The following TLN2 variants were observed in gnomAD, a reference collection of about 807,000 sequenced individuals.
The protein encoded by TLN2 is talin 2.
In TLN2, 118 loss-of-function variants were observed where a neutral mutation model predicts 294.7. That is an observed-to-expected ratio of 0.40 (90% CI 0.34 to 0.47). The LOEUF (loss-of-function observed/expected upper bound fraction) is 0.47, where lower values mean the gene tolerates loss of function less well. TLN2 is among the 20% of genes least tolerant of loss of function. TLN2 has a pLI of 0.84. For missense variants in TLN2, 3,083 were observed against 3,282.2 expected (o/e 0.94, Z 1.48); for synonymous variants, 1,431 against 1,304.5 (o/e 1.10, Z -2.09).
chr15:62,577,716 T>G (rs1417120337), intron 1 of TLN2, among the ~76,000 whole-genome samples: 1 of 152,178 alleles, frequency 6.6e-6, no homozygotes, highest in East Asian at 1.9e-4. Flanking sequence ...TAATATACTT[T>G]AAGCTCTAGG....
intron 39 of TLN2, 102 bp downstream of exon 39, chr15:62,762,555 T>A: frequency 7.7e-7 from 1 of 1,293,368 alleles, no homozygotes; most frequent in Non-Finnish European, 1.1e-6. Flanking sequence ...TTGTTGATCA[T>A]TATCATCTTT....
At chr15:62,599,904 A>G (rs2046844443) in intron 2 of TLN2, among the ~76,000 whole-genome samples, 2 of 152,176 alleles carry the variant, frequency 1.3e-5, no homozygotes, top group Non-Finnish European at 2.9e-5. Context: ...CTAGGAAGGA[A>G]ATAAAAATTG....
chr15:62,481,211 G>T (rs1321128314), intron 1 of TLN2, among the ~76,000 whole-genome samples: 3 of 139,660 alleles, frequency 2.1e-5, no homozygotes, highest in Non-Finnish European at 3.2e-5. Context: ...GTTGCAAGTT[G>T]TTCTTTTTTC....
At position 62,399,330 on chromosome 15, in the gene TLN2, G is replaced by A. The variant is rs189465524; in HGVS notation, c.-238+8645G>A. Reference sequence around the variant, plus strand: ...CCAGGGAGAAGTTTGCTGCAGGAGCGGAGCCCTCATGGAGAACCTCTGCTA... The same window carrying A: ...CCAGGGAGAAGTTTGCTGCAGGAGCAGAGCCCTCATGGAGAACCTCTGCTA... On this transcript the variant is annotated intron_variant, in intron 1 of 58. Coordinates refer to ENST00000636159, the MANE Select transcript of TLN2 (RefSeq NM_015059.3). 6.0e-5 allele frequency among the ~76,000 whole-genome samples: 9 copies of A among 149,552 alleles called. No individual in the cohort carries two copies. The South Asian group carries it at 1.3e-3, about 21-fold the overall frequency.
chr15:62,608,406 G>C (rs1021606348), intron 2 of TLN2, among the ~76,000 whole-genome samples: 1 of 152,190 alleles, frequency 6.6e-6, no homozygotes, highest in East Asian at 1.9e-4. Context: ...TCCACTGGCT[G>C]GGATGTGGAG....
Position 62,612,758 on chromosome 15 carries a change from T to C in TLN2, c.-161-5593T>C, listed in dbSNP as rs182842093. Among the ~76,000 whole-genome samples, 11 of 152,336 alleles carry C rather than the reference T, an allele frequency of 7.2e-5. No homozygotes were observed. In the East Asian group the frequency reaches 1.9e-3, roughly 27 times the overall value. On this transcript the variant is annotated intron_variant, in intron 2 of 58. Transcript: ENST00000636159. ...CACTTAATAGGTGAGATCTGCTGGA[T>C]TGCGTTAATCAACATCTATTCTGTC...
chr15:62,752,419 G>A lies in TLN2; in HGVS notation c.4324G>A (p.Ala1442Thr), dbSNP rs770642632. 6.2e-7 allele frequency: 1 copy of A among 1,614,106 alleles called. No individual in the cohort carries two copies. Among genetic ancestry groups the A allele is most frequent in the South Asian group, 1.1e-5 (1 of 91,068 alleles). The change falls in exon 35 of 59, where the codon GCA becomes ACA. Residue 1442 changes from alanine to threonine, a missense_variant. By Grantham distance (58) the Ala-to-Thr change is moderately conservative. Coordinates refer to ENST00000636159, the MANE Select transcript of TLN2 (RefSeq NM_015059.3). ...SKALCGLTEA[A>T]AQAAYLVGIS... Reference sequence around the variant, plus strand: ...GGCTCTCTGTGGGCTGACAGAGGCTGCAGCCCAGGTAAGGGGCTAGTCCCG... The same window carrying A: ...GGCTCTCTGTGGGCTGACAGAGGCTACAGCCCAGGTAAGGGGCTAGTCCCG...
intron 1 of TLN2, among the ~76,000 whole-genome samples, chr15:62,391,962 G>C (rs1257713323): frequency 6.6e-6 from 1 of 152,264 alleles, no homozygotes; most frequent in African/African-American, 2.4e-5. Flanking sequence ...TCGCCTGGGT[G>C]CTCCGAGGGG....
chr15:62,594,259 A>C (rs2046306951), intron 2 of TLN2, among the ~76,000 whole-genome samples: 1 of 152,194 alleles, frequency 6.6e-6, no homozygotes, highest in African/African-American at 2.4e-5. Context: ...CCCAGGCTGG[A>C]GTGCTGTGGT....
At chr15:62,449,156 C>A (rs931301821) in intron 1 of TLN2, among the ~76,000 whole-genome samples, 10 of 152,154 alleles carry the variant, frequency 6.6e-5, no homozygotes. Context: ...AGTGGCTTAA[C>A]TCGTCAACAG....
At chr15:62,541,857 G>C (rs574748697) in intron 1 of TLN2, among the ~76,000 whole-genome samples, 2 of 151,896 alleles carry the variant, frequency 1.3e-5, no homozygotes, top group East Asian at 3.9e-4. Context: ...CATTTTGGAT[G>C]GGCCCTCGAC....
At chr15:62,665,722 C>T (rs1567300038) in intron 9 of TLN2, among the ~76,000 whole-genome samples, 2 of 152,054 alleles carry the variant, frequency 1.3e-5, no homozygotes, top group South Asian at 2.1e-4. Context: ...ATTCTACTGT[C>T]AACAAGCAAA....
intron 1 of TLN2, chr15:62,453,527 CT>C (rs1255731376): frequency 2.6e-5 from 4 of 152,170 alleles, no homozygotes; most frequent in South Asian, 4.1e-4. Context: ...TTATCTGCCC[CT>C]GGCCATGGTT....
At chr15:62,634,805 G>A (rs7177377) in intron 3 of TLN2, among the ~76,000 whole-genome samples, 1 of 152,110 alleles carries the variant, frequency 6.6e-6, no homozygotes. Context: ...AAAGCAGCAC[G>A]TGGCTGCTCA....
At chr15:62,449,366 C>T (rs1313593961) in intron 1 of TLN2, among the ~76,000 whole-genome samples, 1 of 152,188 alleles carries the variant, frequency 6.6e-6, no homozygotes, top group African/African-American at 2.4e-5. Context: ...TCCTGTTCCT[C>T]TCTCCTCTGC....
At chr15:62,550,202 A>G (rs1308225232) in intron 1 of TLN2, among the ~76,000 whole-genome samples, 1 of 152,170 alleles carries the variant, frequency 6.6e-6, no homozygotes, top group Non-Finnish European at 1.5e-5. Context: ...AGTTAAAGGC[A>G]TCAGCCAGCA....
intron 9 of TLN2, among the ~76,000 whole-genome samples, chr15:62,660,481 T>G (rs1596541079): frequency 6.6e-6 from 1 of 152,164 alleles, no homozygotes; most frequent in Admixed American, 6.5e-5. Context: ...CCAGTTCTCC[T>G]TAATTGAGTC....
intron 3 of TLN2, among the ~76,000 whole-genome samples, chr15:62,623,725 C>T (rs8024415): frequency 0.043 from 6,574 of 152,190 alleles, 512 homozygotes; most frequent in African/African-American, 0.15. Flanking sequence ...AGGCAGTTTT[C>T]CACTTGATCC....
chr15:62,496,153 A>C (rs924551391), intron 1 of TLN2, among the ~76,000 whole-genome samples: 2 of 152,188 alleles, frequency 1.3e-5, no homozygotes, highest in African/African-American at 4.8e-5. Flanking sequence ...TGAAGTGACC[A>C]GTCTGGCCAG....
Sources: gnomAD v4.1 joint callset for allele counts (sites outside exome capture counted in the v4.1 genomes callset) on GRCh38, gnomAD v4.1.1 for gene constraint, MANE v1.5 for transcripts, NCBI Gene and HGNC (gene_info 2026-07-23, HGNC 2026-07-21) for gene names.